The following SCN2A variants were observed in gnomAD, a reference collection of about 807,000 sequenced individuals.
The protein encoded by SCN2A is sodium voltage-gated channel alpha subunit 2, also known as sodium channel protein type 2 subunit alpha.
Under a neutral mutation model 188.7 loss-of-function variants are expected in SCN2A, and 20 were observed. That is an observed-to-expected ratio of 0.11 (90% confidence interval 0.07 to 0.15). SCN2A has a LOEUF of 0.15. Among genes scored for constraint, SCN2A ranks in the 10% least tolerant of loss-of-function variants. SCN2A has a pLI of 1.00. For missense variants in SCN2A, 1,278 were observed against 2,445.0 expected, an observed-to-expected ratio of 0.52 and a Z score of 10.07; for synonymous variants, 804 against 833.1, an observed-to-expected ratio of 0.97 and a Z score of 0.60.
chr2:165,273,358 G>A (rs1695187908), intron 1 of SCN2A: 1 of 152,122 alleles, frequency 6.6e-6, no homozygotes, highest in Non-Finnish European at 1.5e-5. Context: ...AATCCTTAAT[G>A]AATATAAGAA....
intron 17 of SCN2A, among the ~76,000 whole-genome samples, chr2:165,355,271 G>A (rs910610108): frequency 2.0e-5 from 3 of 152,094 alleles, no homozygotes; most frequent in African/African-American, 7.2e-5. Context: ...ACCCTACTGA[G>A]CTCAGTGTTC....
chr2:165,286,655 G>A (rs998539370), intron 1 of SCN2A, among the ~76,000 whole-genome samples: 2 of 152,124 alleles, frequency 1.3e-5, no homozygotes, highest in African/African-American at 4.8e-5. Flanking sequence ...ATGTTGCTCT[G>A]TAAATCCATT....
chr2:165,294,357 G>A (rs936313553), intron 1 of SCN2A, among the ~76,000 whole-genome samples: 1 of 152,068 alleles, frequency 6.6e-6, no homozygotes, highest in Non-Finnish European at 1.5e-5. Flanking sequence ...AGGCATGAGG[G>A]TCTCTAGGAA....
At chr2:165,263,050 A>T (rs1471881554) in intron 1 of SCN2A, among the ~76,000 whole-genome samples, 7 of 149,882 alleles carry the variant, frequency 4.7e-5, no homozygotes, top group African/African-American at 1.7e-4. Context: ...TCTTTTGAGA[A>T]TTGTCTATTC....
Position 165,297,045 on chromosome 2 carries a change from C to T in SCN2A, c.296C>T (p.Ala99Val), listed in dbSNP as rs764976234. Residue 99 changes from alanine (A) to valine (V), a missense_variant, in exon 3 of 27, where the codon GCA becomes GTA. Around this residue, in one of 17 missense-constraint regions of SCN2A, gnomAD observed 141 missense variants for 185.4 expected, o/e 0.76. Coordinates refer to ENST00000375437, the MANE Select transcript of SCN2A (RefSeq NM_001040142.2). ...KTFIVLNKGK[A>V]ISRFSATPAL... ...TTTATAGTATTGAATAAAGGGAAAG[C>T]AATCTCTCGATTCAGTGCCACCCCT... 3.7e-6 allele frequency: 6 copies of T among 1,608,780 alleles called. No individual in the cohort carries two copies. Among genetic ancestry groups the T allele is most frequent in the African/African-American group, 1.3e-5 (1 of 74,804 alleles).
At chr2:165,294,198 A>C in intron 1 of SCN2A, 2 of 780,034 alleles carry the variant, frequency 2.6e-6, no homozygotes, top group Non-Finnish European at 3.1e-6. Flanking sequence ...TTACAGTAGT[A>C]GAATCCTTGG....
Position 165,323,448 on chromosome 2 carries a change from C to A in SCN2A, c.1964C>A (p.Ser655Tyr). ...GCTGTGGACTGCAATGGTGTGGTCTCCCTGGTCGGGGGCCCTTCTACCCTC... is the reference window on the plus strand; with the variant it reads ...GCTGTGGACTGCAATGGTGTGGTCTACCTGGTCGGGGGCCCTTCTACCCTC... Reference protein sequence around the residue: ...HSAVDCNGVVSLVGGPSTLTS... With the variant: ...HSAVDCNGVVYLVGGPSTLTS... The change falls in exon 12 of 27, where the codon TCC (serine) becomes TAC (tyrosine). Residue 655 changes from serine to tyrosine, a missense_variant. Around this residue, in one of 17 missense-constraint regions of SCN2A, gnomAD observed 315 missense variants for 386.6 expected, o/e 0.81. Coordinates refer to ENST00000375437, the MANE Select transcript of SCN2A (RefSeq NM_001040142.2). The A allele has an allele frequency of 6.2e-7, 1 of 1,613,904 alleles. No homozygotes were observed. The highest frequency in any genetic ancestry group is 8.5e-7 in the Non-Finnish European group (1 of 1,179,862).
chr2:165,259,062 T>A (rs1158847378), intron 1 of SCN2A, among the ~76,000 whole-genome samples: 1 of 152,218 alleles, frequency 6.6e-6, no homozygotes, highest in African/African-American at 2.4e-5. Flanking sequence ...AACCTTCACA[T>A]GTACCTCTGA....
At position 165,265,469 on chromosome 2, in the gene SCN2A, A is replaced by ATCTCTCTC. The variant is rs754966737; in HGVS notation, c.-52+25832_-52+25833insCTCTCTCT. On this transcript the variant is annotated intron_variant, in intron 1 of 26. Coordinates refer to ENST00000375437, the MANE Select transcript of SCN2A (RefSeq NM_001040142.2). ...TCTAGGTTATGTGTTTACTCTGTTGATCTATATATATATATATATATATAT... is the reference window on the plus strand; with the variant it reads ...TCTAGGTTATGTGTTTACTCTGTTGATCTCTCTCTCTATATATATATATATATATATAT... Among the ~76,000 whole-genome samples, 282 of 65,266 alleles carry ATCTCTCTC rather than the reference A, an allele frequency of 4.3e-3. 14 individuals carry two copies. The East Asian group carries it at 0.1, about 24-fold the overall frequency. The allele number at this position is 65,266 out of a possible 152,430, so 42.8% of individuals were successfully genotyped here.
At chr2:165,386,320 C>T (rs1163548109) in intron 25 of SCN2A, among the ~76,000 whole-genome samples, 4 of 151,720 alleles carry the variant, frequency 2.6e-5, no homozygotes, top group African/African-American at 9.7e-5. Context: ...AAAAAGTAGT[C>T]GGGCATGGTG....
intron 1 of SCN2A, among the ~76,000 whole-genome samples, chr2:165,241,316 A>G (rs1257318949): frequency 6.6e-6 from 1 of 152,184 alleles, no homozygotes; most frequent in Admixed American, 6.5e-5. Context: ...GTTTCTTAGT[A>G]TGCCTTTTTC....
chr2:165,324,685 A>C (rs1401251159), intron 12 of SCN2A, among the ~76,000 whole-genome samples: 3 of 152,214 alleles, frequency 2.0e-5, no homozygotes, highest in African/African-American at 7.2e-5. Flanking sequence ...TAAGCATCAT[A>C]ACAACCCTTT....
intron 7 of SCN2A, 25 bp from the exon 8 acceptor site, chr2:165,311,996 ATTCT>A (rs766101104): frequency 6.5e-7 from 1 of 1,549,824 alleles, no homozygotes; most frequent in African/African-American, 1.4e-5. Flanking sequence ...GATTTTAATG[ATTCT>A]TTCTATTCCT....
intron 12 of SCN2A, among the ~76,000 whole-genome samples, chr2:165,325,359 C>A (rs1698299995): frequency 6.6e-6 from 1 of 152,142 alleles, no homozygotes; most frequent in East Asian, 1.9e-4. Context: ...TGCTTTGAGG[C>A]AGGGCACTGT....
At chr2:165,252,614 A>AC (rs950301725) in intron 1 of SCN2A, among the ~76,000 whole-genome samples, 1 of 147,540 alleles carries the variant, frequency 6.8e-6, no homozygotes, top group Admixed American at 6.9e-5. Flanking sequence ...TGGGATTGTG[A>AC]CAAAAAAAAG....
At chr2:165,301,050 T>G (rs891015768) in intron 3 of SCN2A, among the ~76,000 whole-genome samples, 2 of 152,100 alleles carry the variant, frequency 1.3e-5, no homozygotes, top group African/African-American at 4.8e-5. Context: ...TGCTGAGCAA[T>G]TGGTTGTGGT....
At chr2:165,311,002 A>G (rs1697394570) in intron 7 of SCN2A, among the ~76,000 whole-genome samples, 1 of 152,102 alleles carries the variant, frequency 6.6e-6, no homozygotes, top group Non-Finnish European at 1.5e-5. Context: ...CAACATATGT[A>G]TTGAGTACAT....
chr2:165,380,774 A>G (rs1327212629), intron 24 of SCN2A, 45 bp downstream of exon 24: 8 of 1,428,602 alleles, frequency 5.6e-6, no homozygotes, highest in Non-Finnish European at 7.8e-6. Context: ...TATGAACTAA[A>G]TATTTCATAC....
intron 14 of SCN2A, among the ~76,000 whole-genome samples, chr2:165,341,242 C>T (rs892891518): frequency 8.5e-5 from 13 of 152,078 alleles, no homozygotes; most frequent in African/African-American, 3.1e-4. Context: ...TACAGGCGCC[C>T]GCCACCGCGC....
Sources: gnomAD v4.1 joint callset for allele counts (sites outside exome capture counted in the v4.1 genomes callset) on GRCh38, gnomAD v4.1.1 for gene constraint, gnomAD v4.1.1 regional missense constraint, MANE v1.5 for transcripts, NCBI Gene and HGNC (gene_info 2026-07-23, HGNC 2026-07-21) for gene names.